The following RALYL variants were observed in gnomAD, a reference collection of about 807,000 sequenced individuals.
RALYL encodes RALY RNA binding protein like.
RALYL carries 29 observed loss-of-function variants against 35.1 expected under a neutral mutation model. That is an observed-to-expected ratio of 0.83 (90% confidence interval 0.61 to 1.13). RALYL has a LOEUF of 1.13. Among genes scored for constraint, RALYL ranks in the 50% most tolerant of loss-of-function variants. RALYL has a pLI of 0.00. For synonymous variants in RALYL, 120 were observed against 127.6 expected (o/e 0.94, Z 0.40); for missense variants, 359 against 360.4 (o/e 1.00, Z 0.03).
intron 1 of RALYL, among the ~76,000 whole-genome samples, chr8:84,519,285 G>GCCC (rs2058288506): frequency 6.6e-6 from 1 of 152,118 alleles, no homozygotes; most frequent in Admixed American, 6.5e-5. Context: ...TATAATTTAA[G>GCCC]AAAAATGATA....
At chr8:84,752,542 G>A (rs1810324764) in intron 2 of RALYL, among the ~76,000 whole-genome samples, 1 of 152,094 alleles carries the variant, frequency 6.6e-6, no homozygotes, top group South Asian at 2.1e-4. Flanking sequence ...AGGCCTCAAA[G>A]CCATTTCAGA....
At chr8:84,528,309 CA>C (rs1394811580) in intron 1 of RALYL, among the ~76,000 whole-genome samples, 3 of 149,878 alleles carry the variant, frequency 2.0e-5, no homozygotes, top group Non-Finnish European at 4.4e-5. Flanking sequence ...TGATGCATGA[CA>C]AAAAATGGGT....
chr8:84,815,035 G>A (rs1266791202), intron 4 of RALYL, among the ~76,000 whole-genome samples: 2 of 152,164 alleles, frequency 1.3e-5, no homozygotes, highest in African/African-American at 2.4e-5. Context: ...CACATGCACA[G>A]GTTGTCATTG....
chr8:84,866,384 A>G (rs1286531502), intron 6 of RALYL, among the ~76,000 whole-genome samples: 1 of 152,178 alleles, frequency 6.6e-6, no homozygotes, highest in African/African-American at 2.4e-5. Context: ...TCCAATAGTT[A>G]TTGTAAGAAT....
intron 1 of RALYL, among the ~76,000 whole-genome samples, chr8:84,214,189 TAAGAC>T (rs1185571226): frequency 6.6e-6 from 1 of 152,080 alleles, no homozygotes; most frequent in Admixed American, 6.6e-5. Flanking sequence ...GTGGAAAAGA[TAAGAC>T]AAGGTAATTA....
chr8:84,619,091 C>T (rs1207293577), intron 2 of RALYL, among the ~76,000 whole-genome samples: 2 of 151,300 alleles, frequency 1.3e-5, no homozygotes, highest in African/African-American at 4.9e-5. Flanking sequence ...GTGGACAGTT[C>T]TGTAGATGTC....
intron 1 of RALYL, among the ~76,000 whole-genome samples, chr8:84,493,931 G>A (rs2055655293): frequency 6.6e-6 from 1 of 151,980 alleles, no homozygotes; most frequent in Non-Finnish European, 1.5e-5. Flanking sequence ...GTCTATTTTA[G>A]CTTTTGTTGC....
chr8:84,469,660 G>T (rs1032454091), intron 1 of RALYL, among the ~76,000 whole-genome samples: 4 of 152,200 alleles, frequency 2.6e-5, no homozygotes, highest in Non-Finnish European at 5.9e-5. Context: ...GCTGTGGTGG[G>T]CTCCACCCAG....
At chr8:84,387,438 T>C (rs527898626) in intron 1 of RALYL, among the ~76,000 whole-genome samples, 7 of 152,020 alleles carry the variant, frequency 4.6e-5, no homozygotes, top group African/African-American at 1.7e-4. Context: ...TTATTTTTAT[T>C]TATTAAAATT....
At chr8:84,351,033 C>T (rs1048907835) in intron 1 of RALYL, among the ~76,000 whole-genome samples, 1 of 149,706 alleles carries the variant, frequency 6.7e-6, no homozygotes, top group Non-Finnish European at 1.5e-5. Context: ...AATAGCAAAA[C>T]AAAATACCAA....
In RALYL at chr8:84,343,853, C is replaced by CTCCTGAG. The variant is rs535378804; in HGVS notation, c.-24+159430_-24+159436dup. Among the ~76,000 whole-genome samples the CTCCTGAG allele has an allele frequency of 1.1e-3, 164 of 149,688 alleles. 5 individuals carry two copies. The South Asian group carries it at 0.033, about 30-fold the overall frequency. On this transcript the variant is annotated intron_variant, in intron 1 of 8. Coordinates refer to ENST00000521268, the MANE Select transcript of RALYL (RefSeq NM_173848.7). ...TCATGTTTCCCAGGTTGGTCTTGAA[C>CTCCTGAG]TCCTGAGCTCAAGAGTTTTTTTGTT... is the stretch of plus-strand genomic sequence containing the variant.
chr8:84,362,806 C>T (rs1487102020), intron 1 of RALYL, among the ~76,000 whole-genome samples: 2 of 152,048 alleles, frequency 1.3e-5, no homozygotes, highest in African/African-American at 4.8e-5. Flanking sequence ...GCTAGTCCCA[C>T]AGGATTTGAG....
Position 84,529,589 on chromosome 8 carries a change from T to A in RALYL, c.256+12T>A, listed in dbSNP as rs1207511655. The stretch of plus-strand genomic sequence containing the variant: ...CGGCCAACCACTTGGTAAGTCATGC[T>A]CAGACATGGATCTCACGTTATTGTT... On this transcript the variant is annotated intron_variant, in intron 2 of 8. Transcript: ENST00000521268. The A allele has an allele frequency of 8.7e-6, 14 of 1,603,376 alleles. No homozygotes were observed. The highest frequency in any genetic ancestry group is 1.2e-5 in the Non-Finnish European group (14 of 1,171,456).
chr8:84,669,491 C>T (rs951587351), intron 2 of RALYL, among the ~76,000 whole-genome samples: 1 of 42,092 alleles, frequency 2.4e-5, no homozygotes, highest in Non-Finnish European at 4.5e-5. Context: ...CCCCCCTCCC[C>T]CCCCCCCCAC....
intron 1 of RALYL, among the ~76,000 whole-genome samples, chr8:84,371,539 T>TCACA (rs5892914): frequency 0.05 from 7,216 of 144,080 alleles, 368 homozygotes; most frequent in African/African-American, 0.13. Context: ...TTTATGATTA[T>TCACA]CACACACACA....
At chr8:84,256,577 G>T (rs1831246389) in intron 1 of RALYL, among the ~76,000 whole-genome samples, 1 of 152,072 alleles carries the variant, frequency 6.6e-6, no homozygotes, top group Non-Finnish European at 1.5e-5. Context: ...CTCTCATGCA[G>T]CTGTGGTAGA....
chr8:84,185,318 G>A, intron 1 of RALYL: 1 of 444,078 alleles, frequency 2.3e-6, no homozygotes, highest in Non-Finnish European at 4.1e-6. Context: ...GGCTCTAAAG[G>A]TTTTCCCCTG....
At chr8:84,917,615 G>A (rs185061179) in intron 8 of RALYL, among the ~76,000 whole-genome samples, 4 of 150,776 alleles carry the variant, frequency 2.7e-5, no homozygotes, top group African/African-American at 9.7e-5. Context: ...ATTCTCCCCT[G>A]TGTTTTCTGA....
chr8:84,363,318 C>G (rs1179833773), intron 1 of RALYL, among the ~76,000 whole-genome samples: 1 of 152,120 alleles, frequency 6.6e-6, no homozygotes, highest in Non-Finnish European at 1.5e-5. Flanking sequence ...GGCACATGAC[C>G]CAGGACTCAG....
Sources: gnomAD v4.1 joint callset for allele counts (sites outside exome capture counted in the v4.1 genomes callset) on GRCh38, gnomAD v4.1.1 for gene constraint, MANE v1.5 for transcripts, NCBI Gene and HGNC (gene_info 2026-07-23, HGNC 2026-07-21) for gene names.